Variants in LTBP1 observed in about 807,000 individuals in gnomAD.
LTBP1 encodes the protein latent transforming growth factor beta binding protein 1.
Under a neutral mutation model 207.6 loss-of-function variants are expected in LTBP1, and 129 were observed. The observed-to-expected ratio is 0.62, with a 90% CI of 0.54 to 0.72. LTBP1 has a LOEUF of 0.72. Among genes scored for constraint, LTBP1 ranks in the 30% least tolerant of loss-of-function variants. The probability of loss-of-function intolerance (pLI) is 0.00; values close to 1 mark genes in which losing one functional copy is unlikely to be tolerated. For synonymous variants in LTBP1, 963 were observed against 833.7 expected (o/e 1.16, Z -2.67); for missense variants, 2,281 against 2,217.2 (o/e 1.03, Z -0.58).
chr2:33,335,099 C>T (rs1385964207), intron 24 of LTBP1, among the ~76,000 whole-genome samples: 4 of 147,594 alleles, frequency 2.7e-5, no homozygotes, highest in African/African-American at 1.0e-4. Context: ...GTGTGGGCAA[C>T]AGAGTGAGAC....
intron 10 of LTBP1, among the ~76,000 whole-genome samples, chr2:33,247,477 G>T (rs2092549595): frequency 2.6e-5 from 4 of 152,166 alleles, no homozygotes; most frequent in African/African-American, 9.7e-5. Flanking sequence ...GTTTGTTTTT[G>T]AAAATAAAGT....
chr2:32,979,926 C>G (rs1215276109), intron 2 of LTBP1, among the ~76,000 whole-genome samples: 1 of 151,972 alleles, frequency 6.6e-6, no homozygotes, highest in African/African-American at 2.4e-5. Flanking sequence ...TATATAATGA[C>G]TTTTCTTTTC....
chr2:33,002,431 T>C (rs1686170064), intron 2 of LTBP1, among the ~76,000 whole-genome samples: 1 of 152,154 alleles, frequency 6.6e-6, no homozygotes, highest in Admixed American at 6.5e-5. Flanking sequence ...CTGGCTGCTT[T>C]AGGATAAATA....
chr2:33,261,792 A>G (rs1380341604), intron 13 of LTBP1, among the ~76,000 whole-genome samples: 1 of 152,196 alleles, frequency 6.6e-6, no homozygotes, highest in East Asian at 1.9e-4. Flanking sequence ...AGTTGGATTT[A>G]TGATGAGATA....
intron 4 of LTBP1, among the ~76,000 whole-genome samples, chr2:33,127,176 G>T (rs951677227): frequency 6.6e-6 from 1 of 152,204 alleles, no homozygotes; most frequent in Non-Finnish European, 1.5e-5. Flanking sequence ...GACTCAGAAT[G>T]TGTGTTCAGA....
intron 5 of LTBP1, among the ~76,000 whole-genome samples, chr2:33,138,343 G>T (rs1202872260): frequency 6.6e-6 from 1 of 152,192 alleles, no homozygotes; most frequent in Non-Finnish European, 1.5e-5. Context: ...AGCACTCTGA[G>T]ATTCTAGAAG....
At chr2:33,050,083 A>T (rs1178461697) in intron 3 of LTBP1, among the ~76,000 whole-genome samples, 1 of 151,186 alleles carries the variant, frequency 6.6e-6, no homozygotes, top group East Asian at 1.9e-4. Flanking sequence ...GCCTCAAGCG[A>T]TCTTCCTGCC....
At chr2:32,965,578 A>G (rs764340140) in intron 2 of LTBP1, among the ~76,000 whole-genome samples, 7 of 152,160 alleles carry the variant, frequency 4.6e-5, no homozygotes, top group Non-Finnish European at 8.8e-5. Context: ...ATCATACTGT[A>G]GGTAGTCTTT....
At chr2:33,016,755 G>A (rs1411708431) in intron 2 of LTBP1, among the ~76,000 whole-genome samples, 1 of 152,248 alleles carries the variant, frequency 6.6e-6, no homozygotes, top group East Asian at 1.9e-4. Context: ...GGGGGCAGTG[G>A]CTCATGCCTG....
At chr2:33,057,075 A>G (rs1460055159) in intron 3 of LTBP1, among the ~76,000 whole-genome samples, 1 of 152,104 alleles carries the variant, frequency 6.6e-6, no homozygotes, top group East Asian at 1.9e-4. Context: ...CATGAGCTAG[A>G]CACAGAGTGC....
chr2:33,094,301 T>C (rs2150062131), intron 3 of LTBP1, among the ~76,000 whole-genome samples: 1 of 152,316 alleles, frequency 6.6e-6, no homozygotes, highest in East Asian at 1.9e-4. Flanking sequence ...TTTTTGTCTC[T>C]GATACTTTTT....
intron 3 of LTBP1, chr2:33,056,423 T>A: frequency 9.6e-7 from 1 of 1,041,122 alleles, no homozygotes; most frequent in Non-Finnish European, 1.3e-6. Context: ...CGATGGTGAC[T>A]TTGCCCAGCA....
intron 9 of LTBP1, among the ~76,000 whole-genome samples, chr2:33,242,951 T>C (rs2149769323): frequency 6.6e-6 from 1 of 152,226 alleles, no homozygotes; most frequent in East Asian, 1.9e-4. Context: ...TTGTACCAGC[T>C]CTGTTTCCAA....
intron 19 of LTBP1, among the ~76,000 whole-genome samples, chr2:33,283,147 G>A (rs370707776): frequency 2.6e-5 from 4 of 151,016 alleles, no homozygotes; most frequent in East Asian, 1.9e-4. Flanking sequence ...TGCTTACGTC[G>A]TGCTTACAAA....
intron 15 of LTBP1, among the ~76,000 whole-genome samples, chr2:33,268,312 C>A (rs1432237933): frequency 6.6e-6 from 1 of 152,152 alleles, no homozygotes; most frequent in Non-Finnish European, 1.5e-5. Flanking sequence ...CTCTAAAACA[C>A]AGAGGAGGTA....
chr2:33,012,538 T>C (rs961356187), intron 2 of LTBP1, among the ~76,000 whole-genome samples: 5 of 152,252 alleles, frequency 3.3e-5, no homozygotes, highest in Admixed American at 2.6e-4. Context: ...TCTACACCTT[T>C]GTTATTATGA....
chr2:33,170,859 C>T, intron 5 of LTBP1, among the ~76,000 whole-genome samples: 1 of 151,942 alleles, frequency 6.6e-6, no homozygotes. Flanking sequence ...TCACGAAAAT[C>T]TGCTGTTCTA....
At chr2:33,226,763 C>CA (rs2091461252) in intron 9 of LTBP1, among the ~76,000 whole-genome samples, 1 of 152,156 alleles carries the variant, frequency 6.6e-6, no homozygotes, top group African/African-American at 2.4e-5. Context: ...TGCTAATGAG[C>CA]AGTGAGGGTG....
At chr2:33,151,608 G>A (rs1558712416) in intron 5 of LTBP1, among the ~76,000 whole-genome samples, 2 of 151,938 alleles carry the variant, frequency 1.3e-5, no homozygotes, top group East Asian at 1.9e-4. Flanking sequence ...TTCATCCCTT[G>A]CCCCACTCCC....
Sources: allele counts gnomAD v4.1 joint callset (sites outside exome capture counted in the v4.1 genomes callset), GRCh38; gene constraint gnomAD v4.1.1; transcripts MANE v1.5; gene names NCBI Gene and HGNC (gene_info 2026-07-23, HGNC 2026-07-21).